The following NCR3LG1 variants were observed in gnomAD, a reference collection of about 807,000 sequenced individuals.
NCR3LG1 encodes natural cytotoxicity triggering receptor 3 ligand 1.
NCR3LG1 carries 35 observed loss-of-function variants against 34.8 expected under a neutral mutation model. The observed-to-expected ratio is 1.01, with a 90% CI of 0.77 to 1.33. The LOEUF is 1.33. Ranked by LOEUF, NCR3LG1 falls within the 40% of genes most tolerant of loss-of-function variation. The pLI is 0.00. For missense variants in NCR3LG1, 452 were observed against 423.3 expected (o/e 1.07, Z -0.60); for synonymous variants, 173 against 163.6 (o/e 1.06, Z -0.44).
rs1953285001 is a variant in NCR3LG1, at chr11:17,362,688, CTTCCTTTCT to C, written c.422-4317_422-4309del. ...GACTCAGTGTCTCCTTCCTTCCTTC[CTTCCTTTCT>C]TTCTTTCTTTCTTTCTTTCTTTCTT... On this transcript the variant is annotated intron_variant, in intron 2 of 4. Transcript: ENST00000338965. Among the ~76,000 whole-genome samples, 10 of 16,034 alleles carry C rather than the reference CTTCCTTTCT, an allele frequency of 6.2e-4. No individual in the cohort carries two copies. In the African/African-American group the frequency reaches 9.8e-3, roughly 16 times the overall value. The allele number at this position is 16,034 out of a possible 152,430, so 10.5% of individuals were successfully genotyped here.
rs781662392 is a variant in NCR3LG1 at position 17,372,233 on chromosome 11, C to T, written c.1086C>T (p.Ser362=). The part of the protein sequence containing the change: ...DVFCRQEGKW[S]EVPYVQAFFA... ...TCTGCAGACAGGAGGGCAAATGGTC[C>T]GAGGTTCCTTATGTGCAAGCCTTCT... is the stretch of plus-strand genomic sequence containing the variant. The change falls in exon 5 of 5, where the codon TCC becomes TCT. Residue 362 remains serine (S), a synonymous_variant. Coordinates refer to ENST00000338965, the MANE Select transcript of NCR3LG1 (RefSeq NM_001202439.3). 5.1e-5 allele frequency: 36 copies of T among 702,976 alleles called. No homozygotes were observed. The highest frequency in any genetic ancestry group is 2.3e-4 in the Middle Eastern group (1 of 4,394). The allele number at this position is 702,976 out of a possible 1,614,324, so 43.5% of individuals were successfully genotyped here. A position where few individuals can be genotyped will look rare whatever the true frequency, so the allele number is the denominator to read the frequency against.
At chr11:17,359,690 T>G (rs1953249875) in intron 2 of NCR3LG1, among the ~76,000 whole-genome samples, 2 of 151,984 alleles carry the variant, frequency 1.3e-5, no homozygotes, top group African/African-American at 4.8e-5. Flanking sequence ...TTTTGTATTT[T>G]TAGTAGAGAT....
intron 1 of NCR3LG1, among the ~76,000 whole-genome samples, chr11:17,354,282 C>G (rs140159909): frequency 9.5e-4 from 144 of 152,374 alleles, no homozygotes; most frequent in African/African-American, 3.3e-3. Flanking sequence ...TTCCAAGGAT[C>G]TAGTCCTTGA....
At chr11:17,353,914 C>T (rs989325122) in intron 1 of NCR3LG1, among the ~76,000 whole-genome samples, 3 of 152,102 alleles carry the variant, frequency 2.0e-5, no homozygotes, top group African/African-American at 7.2e-5. Context: ...ATTCCTACAC[C>T]TTAGGATGGA....
intron 1 of NCR3LG1, 68 bp from the exon 2 acceptor site, chr11:17,356,583 C>T (rs1026958361): frequency 4.3e-6 from 5 of 1,172,876 alleles, no homozygotes; most frequent in South Asian, 3.0e-5. Context: ...AGCATTCAGT[C>T]CATAGCACAT....
At chr11:17,378,710 C>T (rs189696560), downstream of NCR3LG1, among the ~76,000 whole-genome samples, 540 of 152,252 alleles carry the variant, frequency 3.5e-3, 1 homozygote, top group Non-Finnish European at 5.8e-3. Flanking sequence ...AAGGAAGAAA[C>T]CAGTCAGACA....
At chr11:17,365,882 T>C (rs1953339635) in intron 2 of NCR3LG1, among the ~76,000 whole-genome samples, 1 of 152,268 alleles carries the variant, frequency 6.6e-6, no homozygotes, top group Admixed American at 6.5e-5. Flanking sequence ...GTACTTCTAC[T>C]GGTTTATGAC....
chr11:17,362,698 TTCTTTCTTTCTTTCTTTCTTTC>T (rs1953286639), intron 2 of NCR3LG1, among the ~76,000 whole-genome samples: 1 of 5,868 alleles, frequency 1.7e-4, no homozygotes, highest in Non-Finnish European at 2.9e-4. Flanking sequence ...CTTCCTTTCT[TTCTTTCTTTCTTTCTTTCTTTC>T]TTTCTTTCTT....
intron 4 of NCR3LG1, among the ~76,000 whole-genome samples, chr11:17,370,354 G>C (rs879587622): frequency 9.9e-5 from 15 of 152,160 alleles, no homozygotes; most frequent in Admixed American, 9.8e-4. Flanking sequence ...CTACATTGTG[G>C]TGCATTGACG....
In NCR3LG1 at chr11:17,367,006, C is replaced by T. The variant is rs995818758; in HGVS notation, c.422-3C>T. ...ACTCTGTATGATTTTTTTTCCCTGA[C>T]AGCTTCCCCAGCCAGCAGATTGTTG... On this transcript the variant is annotated splice_region_variant and splice_polypyrimidine_tract_variant and intron_variant, in intron 2 of 4. Coordinates refer to ENST00000338965, the MANE Select transcript of NCR3LG1 (RefSeq NM_001202439.3). 18 of 1,526,768 alleles carry T rather than the reference C, an allele frequency of 1.2e-5. No homozygotes were observed. Among genetic ancestry groups the T allele is most frequent in the South Asian group, 2.4e-5 (2 of 83,174 alleles). The allele number at this position is 1,526,768 out of a possible 1,614,324, so 94.6% of individuals were successfully genotyped here. A position where few individuals can be genotyped will look rare whatever the true frequency, so the allele number is the denominator to read the frequency against.
In NCR3LG1 at chr11:17,372,938, CTCTT is replaced by C. The variant is rs1953429106; in HGVS notation, c.*427_*430del. On this transcript the variant is annotated 3_prime_UTR_variant, in exon 5 of 5. Transcript: ENST00000338965. ...GGCCTACAGAGGACCAGAGCCAAGC[CTCTT>C]AATTACCCCAAACTCTCCATGATAG... 1 of 164,046 alleles carries C rather than the reference CTCTT, an allele frequency of 6.1e-6. No individual in the cohort carries two copies. The highest frequency in any genetic ancestry group is 1.3e-5 in the Non-Finnish European group (1 of 75,070). 10.2% of individuals were successfully genotyped at this position (164,046 alleles called of 1,614,324 possible). A position where few individuals can be genotyped will look rare whatever the true frequency, so the allele number is the denominator to read the frequency against.
At chr11:17,359,660 C>T (rs770866311) in intron 2 of NCR3LG1, among the ~76,000 whole-genome samples, 44 of 151,874 alleles carry the variant, frequency 2.9e-4, no homozygotes, top group Middle Eastern at 3.4e-3. Context: ...TACAGGTGCC[C>T]GCCACCACGC....
At chr11:17,363,650 G>T (rs546844579) in intron 2 of NCR3LG1, among the ~76,000 whole-genome samples, 21 of 151,402 alleles carry the variant, frequency 1.4e-4, no homozygotes, top group Non-Finnish European at 2.9e-4. Context: ...GAGTGCAGTG[G>T]TATGATCACG....
At chr11:17,359,194 C>T (rs1022975517) in intron 2 of NCR3LG1, among the ~76,000 whole-genome samples, 11 of 152,192 alleles carry the variant, frequency 7.2e-5, no homozygotes, top group Admixed American at 3.3e-4. Flanking sequence ...TCTAGACCCT[C>T]TCAGCCAACA....
intron 2 of NCR3LG1, among the ~76,000 whole-genome samples, chr11:17,366,548 A>G (rs950594217): frequency 2.0e-5 from 3 of 152,198 alleles, no homozygotes; most frequent in Admixed American, 6.5e-5. Flanking sequence ...CTCTACCACA[A>G]CAGTGTTCCA....
intron 4 of NCR3LG1, among the ~76,000 whole-genome samples, chr11:17,370,123 A>G (rs1182268766): frequency 6.6e-6 from 1 of 152,238 alleles, no homozygotes; most frequent in African/African-American, 2.4e-5. Context: ...TTGCATGCAC[A>G]CTACGAGGAT....
Position 17,372,608 on chromosome 11 carries a change from C to A in NCR3LG1, c.*96C>A. ...GGGACCTGGGCAAGTTCTCTGATGA[C>A]CTGATAGATATATAGAGGCTTTCCA... On this transcript the variant is annotated 3_prime_UTR_variant, in exon 5 of 5. Transcript: ENST00000338965. 1 of 609,190 alleles carries A rather than the reference C, an allele frequency of 1.6e-6. No individual in the cohort carries two copies. The highest frequency in any genetic ancestry group is 2.9e-6 in the Non-Finnish European group (1 of 342,452). 37.7% of individuals were successfully genotyped at this position (609,190 alleles called of 1,614,324 possible). A position where few individuals can be genotyped will look rare whatever the true frequency, so the allele number is the denominator to read the frequency against.
At chr11:17,352,091 C>A in intron 1 of NCR3LG1, 52 bp downstream of exon 1, 2 of 1,324,902 alleles carry the variant, frequency 1.5e-6, no homozygotes, top group Non-Finnish European at 2.0e-6. Context: ...GCCAGAGGGT[C>A]CTCGCGGGTC....
chr11:17,364,436 T>G (rs1953321935), intron 2 of NCR3LG1, among the ~76,000 whole-genome samples: 1 of 152,142 alleles, frequency 6.6e-6, no homozygotes, highest in Non-Finnish European at 1.5e-5. Context: ...TCAAGCAATC[T>G]GCCCACCTTG....
Sources: allele counts gnomAD v4.1 joint callset (sites outside exome capture counted in the v4.1 genomes callset), GRCh38; gene constraint gnomAD v4.1.1; transcripts MANE v1.5; gene names NCBI Gene and HGNC (gene_info 2026-07-23, HGNC 2026-07-21).